Variants in AFAP1 observed in about 807,000 individuals in gnomAD.
AFAP1 encodes the protein actin filament associated protein 1.
In AFAP1, 75 loss-of-function variants were observed where a neutral mutation model predicts 93.9. That is an observed-to-expected ratio of 0.80 (90% CI 0.66 to 0.97). AFAP1 has a LOEUF of 0.97. Among genes scored for constraint, AFAP1 ranks in the 50% least tolerant of loss-of-function variants. The pLI is 0.00. For synonymous variants in AFAP1, 517 were observed against 430.7 expected, an observed-to-expected ratio of 1.20 and a Z score of -2.48; for missense variants, 1,201 against 1,050.8, an observed-to-expected ratio of 1.14 and a Z score of -1.98.
chr4:7,781,347 C>A, intron 13 of AFAP1, 29 bp downstream of exon 13: 1 of 1,549,012 alleles, frequency 6.5e-7, no homozygotes, highest in South Asian at 1.2e-5. Flanking sequence ...GAAGGTGGTT[C>A]TAGAATCTTA....
chr4:7,821,133 T>A (rs1720937559), intron 6 of AFAP1, among the ~76,000 whole-genome samples: 1 of 152,102 alleles, frequency 6.6e-6, no homozygotes, highest in Non-Finnish European at 1.5e-5. Context: ...AATATATATA[T>A]ACATATATCT....
At chr4:7,889,839 G>A (rs1718353309) in intron 1 of AFAP1, among the ~76,000 whole-genome samples, 1 of 150,862 alleles carries the variant, frequency 6.6e-6, no homozygotes, top group Non-Finnish European at 1.5e-5. Flanking sequence ...TGACAACTAT[G>A]AGATGCTGTT....
intron 16 of AFAP1, among the ~76,000 whole-genome samples, chr4:7,770,234 CG>C (rs1260480935): frequency 6.6e-6 from 1 of 151,960 alleles, no homozygotes. Flanking sequence ...AGAAGCGAGG[CG>C]GGGGGTGGCA....
At chr4:7,881,551 G>A (rs1717850262) in intron 1 of AFAP1, among the ~76,000 whole-genome samples, 1 of 152,198 alleles carries the variant, frequency 6.6e-6, no homozygotes, top group African/African-American at 2.4e-5. Flanking sequence ...GGGAGGCCAA[G>A]GTGGGCAGAT....
At chr4:7,774,954 A>T (rs1202922322) in intron 14 of AFAP1, 51 bp from the exon 15 acceptor site, 1 of 1,589,790 alleles carries the variant, frequency 6.3e-7, no homozygotes, top group South Asian at 1.1e-5. Flanking sequence ...CTAGCCTGGG[A>T]AATATGGGAC....
intron 8 of AFAP1, among the ~76,000 whole-genome samples, chr4:7,811,625 T>C (rs554186136): frequency 5.8e-4 from 88 of 152,214 alleles, no homozygotes; most frequent in Non-Finnish European, 9.9e-4. Flanking sequence ...GCTTAGGTCC[T>C]GGTCCTATAG....
At chr4:7,883,167 C>G (rs1036130700) in intron 1 of AFAP1, among the ~76,000 whole-genome samples, 2 of 98,510 alleles carry the variant, frequency 2.0e-5, no homozygotes, top group African/African-American at 8.3e-5. Context: ...GCCTGGGCAA[C>G]AGAGTGAAAC....
Position 7,855,493 on chromosome 4 carries a change from C to G in AFAP1, c.307G>C (p.Gly103Arg). ...GATGTGATGTATTCCGGAGCTTTTC[C>G]GGGGCTCAGCGGCACAGCTTCCTCA... Reference protein sequence around the residue: ...YYEEAVPLSPGKAPEYITSNY... With the variant: ...YYEEAVPLSPRKAPEYITSNY... The change falls in exon 4 of 18, where the codon GGA (glycine) becomes CGA (arginine). Residue 103 changes from glycine to arginine, a missense_variant. Transcript: ENST00000420658. The G allele has an allele frequency of 6.2e-7, 1 of 1,612,396 alleles. No homozygotes were observed. The highest frequency in any genetic ancestry group is 2.2e-5 in the East Asian group (1 of 44,870).
Position 7,823,648 on chromosome 4 carries a change from C to T in AFAP1, c.727-4477G>A, listed in dbSNP as rs539806094. Among the ~76,000 whole-genome samples the T allele has an allele frequency of 8.5e-5, 13 of 152,358 alleles. 1 individual carries two copies. The East Asian group carries it at 2.1e-3, about 25-fold the overall frequency. On this transcript the variant is annotated intron_variant, in intron 6 of 17. Transcript: ENST00000420658. ...CCAGCATCAAAGCACCTCACGTAAT[C>T]GCCTTTCCAAGAAGCTTTCCTGGTA...
At chr4:7,871,556 C>T (rs1717048219) in intron 2 of AFAP1, among the ~76,000 whole-genome samples, 1 of 152,214 alleles carries the variant, frequency 6.6e-6, no homozygotes. Context: ...CAGACGCTGG[C>T]ATATGGGTTC....
chr4:7,938,709 T>C (rs1721532528), intron 1 of AFAP1, among the ~76,000 whole-genome samples: 1 of 151,914 alleles, frequency 6.6e-6, no homozygotes, highest in African/African-American at 2.4e-5. Flanking sequence ...CGCTGAGAGC[T>C]ACAAAGTTCA....
At chr4:7,764,881 G>C (rs751063040) in intron 17 of AFAP1, among the ~76,000 whole-genome samples, 2 of 152,216 alleles carry the variant, frequency 1.3e-5, no homozygotes, top group Non-Finnish European at 2.9e-5. Flanking sequence ...TGAGGTGGGA[G>C]GATTGTGTGA....
rs182478129 is a variant in AFAP1, at chr4:7,934,962, A to T, written c.-3+4694T>A. Among the ~76,000 whole-genome samples the T allele has an allele frequency of 3.0e-4, 46 of 152,362 alleles. No homozygotes were observed. In the East Asian group the frequency reaches 7.9e-3, roughly 26 times the overall value. On this transcript the variant is annotated intron_variant, in intron 1 of 17. Transcript: ENST00000420658. The stretch of plus-strand genomic sequence containing the variant: ...CATGCACATTCAATACCTTTGCAAA[A>T]TATTAATGATAACTGAAACACAAAT...
chr4:7,905,510 T>C (rs568795564), intron 1 of AFAP1, among the ~76,000 whole-genome samples: 2 of 152,390 alleles, frequency 1.3e-5, no homozygotes, highest in South Asian at 2.1e-4. Flanking sequence ...CAGCTGCTTT[T>C]CTGAGCTGAA....
chr4:7,786,170 T>C lies in AFAP1; in HGVS notation c.1530+24A>G, dbSNP rs746791044. ...CCTCGGCCTCTAACAAAACCAACCA[T>C]TACTCCAAAAAAAGGGCACTCACCG... is the stretch of plus-strand genomic sequence containing the variant. On this transcript the variant is annotated intron_variant, in intron 12 of 17. Transcript: ENST00000420658. The C allele has an allele frequency of 1.3e-5, 21 of 1,601,236 alleles. No individual in the cohort carries two copies. The Admixed American group carries it at 3.2e-4, about 24-fold the overall frequency.
intron 16 of AFAP1, among the ~76,000 whole-genome samples, chr4:7,770,309 C>A (rs1015202078): frequency 1.3e-5 from 2 of 152,258 alleles, no homozygotes; most frequent in African/African-American, 2.4e-5. Context: ...AATGTGGAGC[C>A]ACCATAGAAG....
chr4:7,805,054 T>C (rs1332148338), intron 9 of AFAP1, among the ~76,000 whole-genome samples: 1 of 152,170 alleles, frequency 6.6e-6, no homozygotes, highest in East Asian at 1.9e-4. Context: ...CTTCCTGCCC[T>C]TTCATCAGAC....
At chr4:7,780,149 C>A (rs1577197114) in intron 13 of AFAP1, among the ~76,000 whole-genome samples, 1 of 152,334 alleles carries the variant, frequency 6.6e-6, no homozygotes, top group Non-Finnish European at 1.5e-5. Flanking sequence ...CATAACCTGA[C>A]AACTTTTTGG....
intron 1 of AFAP1, among the ~76,000 whole-genome samples, chr4:7,926,748 A>AT (rs1389087294): frequency 6.6e-6 from 1 of 151,634 alleles, no homozygotes; most frequent in Admixed American, 6.6e-5. Flanking sequence ...CTTTCTTTTT[A>AT]TTTTTTGATA....
Sources: gnomAD v4.1 joint callset for allele counts (sites outside exome capture counted in the v4.1 genomes callset) on GRCh38, gnomAD v4.1.1 for gene constraint, MANE v1.5 for transcripts, NCBI Gene and HGNC (gene_info 2026-07-23, HGNC 2026-07-21) for gene names.